The following MOV10L1 variants were observed in gnomAD, a reference collection of about 807,000 sequenced individuals.
MOV10L1 encodes the protein Mov10 like RNA helicase 1, also known as RNA helicase Mov10l1.
In MOV10L1, 110 loss-of-function variants were observed where a neutral mutation model predicts 143.8. The observed-to-expected ratio is 0.76, with a 90% CI of 0.66 to 0.90. MOV10L1 has a LOEUF of 0.90. Ranked by LOEUF, MOV10L1 falls within the 40% of genes least tolerant of loss-of-function variation. MOV10L1 has a pLI of 0.00. For missense variants in MOV10L1, 1,406 were observed against 1,526.8 expected (o/e 0.92, Z 1.32); for synonymous variants, 593 against 581.1 (o/e 1.02, Z -0.29).
intron 10 of MOV10L1, among the ~76,000 whole-genome samples, 187 bp downstream of exon 10, chr22:50,120,803 C>A (rs2147190391): frequency 6.6e-6 from 1 of 152,322 alleles, no homozygotes; most frequent in African/African-American, 2.4e-5. Flanking sequence ...CGCTGCCAGA[C>A]CTGCTGTACA....
intron 2 of MOV10L1, among the ~76,000 whole-genome samples, chr22:50,097,941 C>T (rs920027047): frequency 3.3e-5 from 5 of 152,092 alleles, no homozygotes; most frequent in South Asian, 2.1e-4. Flanking sequence ...TCAAGCAATT[C>T]TCATGCCTCA....
chr22:50,127,468 T>C (rs1329250992), intron 12 of MOV10L1, among the ~76,000 whole-genome samples: 2 of 152,236 alleles, frequency 1.3e-5, no homozygotes, highest in Non-Finnish European at 2.9e-5. Flanking sequence ...TTCCTCATCC[T>C]CAGGGGAAAC....
chr22:50,159,880 C>G lies in MOV10L1; in HGVS notation c.3324+95C>G. 1 of 792,692 alleles carries G rather than the reference C, an allele frequency of 1.3e-6. No individual in the cohort carries two copies. Among genetic ancestry groups the G allele is most frequent in the East Asian group, 2.6e-5 (1 of 39,102 alleles). The allele number at this position is 792,692 out of a possible 1,614,324, so 49.1% of individuals were successfully genotyped here. A position where few individuals can be genotyped will look rare whatever the true frequency, so the allele number is the denominator to read the frequency against. ...AGATCTAAAGGGGCAGAGGCTGATT[C>G]CCAGCCCAGAGAAGCAGCTGCAGGC... On this transcript the variant is annotated intron_variant, in intron 24 of 26. Coordinates refer to ENST00000262794, the MANE Select transcript of MOV10L1 (RefSeq NM_018995.3). This position sits in a 1 kb window ranked among gnomAD's most constrained non-coding sequence, Gnocchi z 4.1.
chr22:50,145,787 G>A lies in MOV10L1; in HGVS notation c.2604G>A (p.Gly868=), dbSNP rs1243486943. Residue 868 remains glycine (G), a synonymous_variant, in exon 19 of 27, where the codon GGG becomes GGA. Transcript: ENST00000262794. ...TCATCACCACATGCAGCAGCTCAGG[G>A]CTGTTTTACCAAATAGGAGTGAGGT... ...RIIITTCSSS[G]LFYQIGVRVG... The A allele has an allele frequency of 1.2e-6, 2 of 1,614,038 alleles. No individual in the cohort carries two copies. Among genetic ancestry groups the A allele is most frequent in the Non-Finnish European group, 1.7e-6 (2 of 1,180,012 alleles).
At chr22:50,131,763 A>C (rs1160925948) in intron 13 of MOV10L1, among the ~76,000 whole-genome samples, 1 of 150,570 alleles carries the variant, frequency 6.6e-6, no homozygotes, top group South Asian at 2.1e-4. Flanking sequence ...ATATTTGTTG[A>C]TCTGTTTCTG....
intron 19 of MOV10L1, among the ~76,000 whole-genome samples, chr22:50,146,337 G>A (rs1388881550): frequency 2.0e-5 from 3 of 152,042 alleles, no homozygotes; most frequent in African/African-American, 7.2e-5. Flanking sequence ...GGCTCTTCAG[G>A]GGAGACAGGC....
intron 3 of MOV10L1, among the ~76,000 whole-genome samples, chr22:50,101,440 C>T (rs1001304143): frequency 6.6e-6 from 1 of 151,382 alleles, no homozygotes; most frequent in Non-Finnish European, 1.5e-5. Context: ...TGGTCTCGAT[C>T]TCCTGACCTT....
At chr22:50,153,586 G>A (rs1193033291) in intron 22 of MOV10L1, among the ~76,000 whole-genome samples, 1 of 152,274 alleles carries the variant, frequency 6.6e-6, no homozygotes, top group East Asian at 1.9e-4. Flanking sequence ...GGCCACCACC[G>A]CCTCCCTCCC....
chr22:50,147,249 T>C (rs1443476241), intron 19 of MOV10L1: 2 of 570,876 alleles, frequency 3.5e-6, no homozygotes, highest in Non-Finnish European at 6.3e-6. Flanking sequence ...AGAGGCGCTC[T>C]GTGCAGAAGC....
At chr22:50,132,628 A>G (rs2062709112) in intron 13 of MOV10L1, among the ~76,000 whole-genome samples, 1 of 152,260 alleles carries the variant, frequency 6.6e-6, no homozygotes. Flanking sequence ...ATAAAAAGCA[A>G]TTGATTTTTG....
chr22:50,113,912 CTTTTTTTTT>C (rs67071955), intron 6 of MOV10L1, 124 bp downstream of exon 6: 6 of 263,416 alleles, frequency 2.3e-5, no homozygotes, highest in East Asian at 1.8e-4. Flanking sequence ...AAGATCTTTT[CTTTTTTTTT>C]TTTTTTTTTT....
At chr22:50,144,614 CT>C (rs1380323667) in intron 18 of MOV10L1, among the ~76,000 whole-genome samples, 1 of 151,392 alleles carries the variant, frequency 6.6e-6, no homozygotes, top group African/African-American at 2.4e-5. Context: ...CGGAGTCTCG[CT>C]GTGTCGCCCA....
At chr22:50,097,571 A>G (rs1602117879) in intron 2 of MOV10L1, among the ~76,000 whole-genome samples, 1 of 152,160 alleles carries the variant, frequency 6.6e-6, no homozygotes. Flanking sequence ...TGCACATGCA[A>G]GGGTTTATTT....
At position 50,159,868 on chromosome 22, in the gene MOV10L1, C is replaced by A; in HGVS notation, c.3324+83C>A. The A allele has an allele frequency of 1.2e-6, 1 of 864,890 alleles. No individual in the cohort carries two copies. Among genetic ancestry groups the A allele is most frequent in the Non-Finnish European group, 1.9e-6 (1 of 534,444 alleles). The allele number at this position is 864,890 out of a possible 1,614,324, so 53.6% of individuals were successfully genotyped here. A position where few individuals can be genotyped will look rare whatever the true frequency, so the allele number is the denominator to read the frequency against. ...TCTGGGGGCTTCAGATCTAAAGGGG[C>A]AGAGGCTGATTCCCAGCCCAGAGAA... On this transcript the variant is annotated intron_variant, in intron 24 of 26. Coordinates refer to ENST00000262794, the MANE Select transcript of MOV10L1 (RefSeq NM_018995.3). This position sits in a 1 kb window ranked among gnomAD's most constrained non-coding sequence, Gnocchi z 4.1.
At chr22:50,128,287 C>G (rs2062569882) in intron 12 of MOV10L1, 129 bp from the exon 13 acceptor site, 1 of 614,124 alleles carries the variant, frequency 1.6e-6, no homozygotes, top group Non-Finnish European at 2.9e-6. Context: ...TGATTTAATC[C>G]TTTTCAACTA....
chr22:50,151,220 C>T (rs776921439), intron 21 of MOV10L1, among the ~76,000 whole-genome samples: 17 of 152,220 alleles, frequency 1.1e-4, no homozygotes, highest in Non-Finnish European at 2.1e-4. Flanking sequence ...GGTCTCTGAC[C>T]CCAAGGTCCC....
In MOV10L1 at chr22:50,099,615, G is replaced by A; in HGVS notation, c.442+13G>A. Reference sequence around the variant, plus strand: ...AGTGTGTGCGAAGGTATGCTCAGGGGTCTGTGTTCCACATTGAAAATTAGG... The same window carrying A: ...AGTGTGTGCGAAGGTATGCTCAGGGATCTGTGTTCCACATTGAAAATTAGG... On this transcript the variant is annotated intron_variant, in intron 3 of 26. Transcript: ENST00000262794. 6.3e-7 allele frequency: 1 copy of A among 1,594,244 alleles called. No individual in the cohort carries two copies. Among genetic ancestry groups the A allele is most frequent in the Non-Finnish European group, 8.6e-7 (1 of 1,164,668 alleles).
intron 15 of MOV10L1, among the ~76,000 whole-genome samples, 156 bp from the exon 16 acceptor site, chr22:50,141,925 T>C (rs922487233): frequency 2.9e-4 from 44 of 152,236 alleles, no homozygotes; most frequent in African/African-American, 1.0e-3. Flanking sequence ...GTTTGTTTTT[T>C]CTTTATTTTT....
intron 26 of MOV10L1, 81 bp from the exon 27 acceptor site, chr22:50,161,287 C>A: frequency 8.1e-7 from 1 of 1,237,242 alleles, no homozygotes; most frequent in East Asian, 2.5e-5. Context: ...CCTTGTAAAA[C>A]CCACATTGGG....
Sources: allele counts gnomAD v4.1 joint callset (sites outside exome capture counted in the v4.1 genomes callset), GRCh38; gene constraint gnomAD v4.1.1; non-coding constraint Gnocchi (gnomAD v3.1); transcripts MANE v1.5; gene names NCBI Gene and HGNC (gene_info 2026-07-23, HGNC 2026-07-21).